The following NCOR2 variants were observed in gnomAD, a reference collection of about 807,000 sequenced individuals.
NCOR2 encodes CTG repeat protein 26.
Under a neutral mutation model 262.9 loss-of-function variants are expected in NCOR2, and 81 were observed. The ratio of observed to expected loss-of-function variants is 0.31; its 90% confidence interval spans 0.26 to 0.37. The LOEUF (loss-of-function observed/expected upper bound fraction) is 0.37. Among genes scored for constraint, NCOR2 ranks in the 10% least tolerant of loss-of-function variants. The probability of loss-of-function intolerance (pLI) is 1.00; values close to 1 mark genes in which losing one functional copy is unlikely to be tolerated. For missense variants in NCOR2, 3,385 were observed against 3,621.4 expected (o/e 0.93, Z 1.68); for synonymous variants, 1,659 against 1,559.3 (o/e 1.06, Z -1.51).
intron 13 of NCOR2, among the ~76,000 whole-genome samples, chr12:124,412,902 G>A (rs7976774): frequency 0.42 from 63,275 of 152,088 alleles, 15,969 homozygotes; most frequent in Non-Finnish European, 0.55. Flanking sequence ...CCCTCACAAA[G>A]CAGACCTTGG....
At chr12:124,338,272 C>A (rs2036060819) in intron 37 of NCOR2, among the ~76,000 whole-genome samples, 1 of 152,166 alleles carries the variant, frequency 6.6e-6, no homozygotes, top group Non-Finnish European at 1.5e-5. Context: ...CTTTGGGAGG[C>A]TGAGGCAGGC....
upstream of NCOR2, chr12:124,539,600 A>G (rs1304350663): frequency 2.0e-5 from 3 of 152,390 alleles, no homozygotes; most frequent in Non-Finnish European, 4.4e-5. The surrounding 1 kb of genome is among the most constrained non-coding windows in gnomAD (Gnocchi z 5.1). Flanking sequence ...GTCTCCCGGC[A>G]AAGCAGATGC....
rs551070258 is a variant in NCOR2 at position 124,443,171 on chromosome 12, G to A, written c.816-5175C>T. On this transcript the variant is annotated intron_variant, in intron 7 of 46. Coordinates refer to ENST00000405201, the Ensembl canonical transcript of NCOR2. The surrounding 1 kb of genome is among the most constrained non-coding windows in gnomAD (Gnocchi z 4.4). ...GGCAGCGCTGAGAAGCTAGTCCGGC[G>A]TGTGATCTTCCACAAACCGCGGTGC... Among the ~76,000 whole-genome samples, 3 of 152,356 alleles carry A rather than the reference G, an allele frequency of 2.0e-5. No individual in the cohort carries two copies. The highest frequency in any genetic ancestry group is 4.8e-5 in the African/African-American group (2 of 41,582).
rs377600491 is a variant in NCOR2 at position 124,378,370 on chromosome 12, G to A, written c.2034C>T (p.Asn678=). Reference sequence around the variant, plus strand: ...GCGCTTTCTTCTTCTTCCTCCGCGCGTTCCTCTCCTTCTCCTGGGGCACAG... The same window carrying A: ...GCGCTTTCTTCTTCTTCCTCCGCGCATTCCTCTCCTTCTCCTGGGGCACAG... The change falls in exon 18 of 47, where the codon AAC becomes AAT. Residue 678 remains asparagine (N), a synonymous_variant. Coordinates refer to ENST00000405201, the Ensembl canonical transcript of NCOR2. This position sits in a 1 kb window ranked among gnomAD's most constrained non-coding sequence, Gnocchi z 4.2. 147 of 1,612,634 alleles carry A rather than the reference G, an allele frequency of 9.1e-5. 2 individuals carry two copies. The South Asian group carries it at 1.2e-3, about 13-fold the overall frequency.
chr12:124,529,304 T>TA (rs1175749746), intron 1 of NCOR2, among the ~76,000 whole-genome samples: 478 of 130,250 alleles, frequency 3.7e-3, no homozygotes, highest in Non-Finnish European at 3.8e-3. Flanking sequence ...CCGTCTCTAC[T>TA]AAAAAAAAAA....
rs978893465 is a variant in NCOR2, at chr12:124,341,767, C to T, written c.5188+56G>A. The T allele has an allele frequency of 4.5e-6, 7 of 1,554,864 alleles. No individual in the cohort carries two copies. The Admixed American group carries it at 1.2e-4, about 27-fold the overall frequency. ...CTCCGCGAGGCCACAGGGGCACGCC[C>T]ATGTCCTTTGGGAATAAGGCCAAAC... On this transcript the variant is annotated intron_variant, in intron 34 of 46. Coordinates refer to ENST00000405201, the Ensembl canonical transcript of NCOR2.
At position 124,372,363 on chromosome 12, in the gene NCOR2, G is replaced by A. The variant is rs536931648; in HGVS notation, c.2466C>T (p.Val822=). 49 of 1,512,402 alleles carry A rather than the reference G, an allele frequency of 3.2e-5. No individual in the cohort carries two copies. In the South Asian group the frequency reaches 4.1e-4, roughly 13 times the overall value. 93.7% of individuals were successfully genotyped at this position (1,512,402 alleles called of 1,614,324 possible). ...TCTCCTCCTCCTTCTCCTCCTTGGG[G>A]ACCACAGGAGGAGGTGCAGAGGGCG... Residue 822 remains valine, a synonymous_variant, in exon 20 of 47, where the codon GTC becomes GTT. Coordinates refer to ENST00000405201, the Ensembl canonical transcript of NCOR2.
intron 17 of NCOR2, 86 bp downstream of exon 19, chr12:124,385,659 C>T: frequency 6.4e-7 from 1 of 1,552,972 alleles, no homozygotes; most frequent in Non-Finnish European, 8.7e-7. Context: ...GCCCATGCCT[C>T]CTGGGGTGCA....
chr12:124,426,474 C>T (rs2043556831), intron 11 of NCOR2, 148 bp downstream of exon 13: 7 of 737,120 alleles, frequency 9.5e-6, no homozygotes, highest in Admixed American at 7.8e-5. Flanking sequence ...TTTGGACTTC[C>T]GGCCTCCACA....
At chr12:124,516,966 CTG>C (rs1412896258) in intron 1 of NCOR2, among the ~76,000 whole-genome samples, 1 of 152,132 alleles carries the variant, frequency 6.6e-6, no homozygotes, top group African/African-American at 2.4e-5. Context: ...GATGGGAAAA[CTG>C]AGGCTCAGAG....
At chr12:124,490,407 CAGATGGATGGATGGATGGAT>C (rs1565991870) in intron 1 of NCOR2, among the ~76,000 whole-genome samples, 3 of 130,082 alleles carry the variant, frequency 2.3e-5, no homozygotes, top group East Asian at 4.3e-4. Flanking sequence ...AAGTATTTGC[CAGATGGATGGATGGATGGAT>C]GGATGGATGG....
chr12:124,410,388 C>G (rs1426826829), intron 13 of NCOR2, among the ~76,000 whole-genome samples: 1 of 151,848 alleles, frequency 6.6e-6, no homozygotes, highest in African/African-American at 2.4e-5. Context: ...AGCAACATCC[C>G]TGACTGCAGG....
In NCOR2 at chr12:124,548,079, G is replaced by A. The variant is rs571457174; in HGVS notation, c.-164-12468C>T. Among the ~76,000 whole-genome samples the A allele has an allele frequency of 1.3e-5, 2 of 151,774 alleles. No homozygotes were observed. Among genetic ancestry groups the A allele is most frequent in the East Asian group, 2.0e-4 (1 of 5,100 alleles). Reference sequence around the variant, plus strand: ...CAGCTGGTGGGAGAGAGGGGCCTGGGGTGCCCCAGGCCGGGCAGGTCCCCT... The same window carrying A: ...CAGCTGGTGGGAGAGAGGGGCCTGGAGTGCCCCAGGCCGGGCAGGTCCCCT... On this transcript the variant is annotated intron_variant, in intron 1 of 32. Transcript: ENST00000458234. The surrounding 1 kb of genome is among the most constrained non-coding windows in gnomAD (Gnocchi z 5.1).
chr12:124,380,411 C>A (rs928987389), intron 17 of NCOR2, among the ~76,000 whole-genome samples: 2 of 152,228 alleles, frequency 1.3e-5, no homozygotes, highest in African/African-American at 4.8e-5. Context: ...CAACAGTCGG[C>A]CAGAGGGCCA....
intron 1 of NCOR2, among the ~76,000 whole-genome samples, chr12:124,534,456 G>GAAA (rs11405381): frequency 6.9e-6 from 1 of 145,166 alleles, no homozygotes. Context: ...ACTCTGTCTC[G>GAAA]AAAAAAAAAA....
Position 124,389,803 on chromosome 12 carries a change from G to A in NCOR2, c.1877-3916C>T, listed in dbSNP as rs1955665041. ...CCCAAAGAGCCCTCTGCTGCTGGGG[G>A]GGTCTCGGGACCACAGCTGCCCCTT... On this transcript the variant is annotated intron_variant, in intron 16 of 46. Transcript: ENST00000405201. This position sits in a 1 kb window ranked among gnomAD's most constrained non-coding sequence, Gnocchi z 4.4. Among the ~76,000 whole-genome samples the A allele has an allele frequency of 6.6e-6, 1 of 152,176 alleles. No individual in the cohort carries two copies. The highest frequency in any genetic ancestry group is 2.1e-4 in the South Asian group (1 of 4,834).
Position 124,523,453 on chromosome 12 carries a change from C to T in NCOR2, c.-118+12112G>A, listed in dbSNP as rs1302066225. On this transcript the variant is annotated intron_variant, in intron 1 of 46. Transcript: ENST00000404621. The surrounding 1 kb of genome is among the most constrained non-coding windows in gnomAD (Gnocchi z 4.0). ...CCAGCTGGATCCCAGGGACCTAACC[C>T]GGGAAGGACACATCACGCCGGCCAG... is the stretch of plus-strand genomic sequence containing the variant. Among the ~76,000 whole-genome samples the T allele has an allele frequency of 6.6e-6, 1 of 152,106 alleles. No homozygotes were observed. The highest frequency in any genetic ancestry group is 2.1e-4 in the South Asian group (1 of 4,822).
Position 124,335,647 on chromosome 12 carries a change from G to GTTA in NCOR2, c.6116-16_6116-15insTAA. 2 of 1,590,044 alleles carry GTTA rather than the reference G, an allele frequency of 1.3e-6. No individual in the cohort carries two copies. Among genetic ancestry groups the GTTA allele is most frequent in the Non-Finnish European group, 1.7e-6 (2 of 1,171,746 alleles). On this transcript the variant is annotated splice_polypyrimidine_tract_variant and intron_variant, in intron 38 of 46. Transcript: ENST00000405201. Reference sequence around the variant, plus strand: ...GCCGTGGTAACCTAGGGCAGGCGGGGGGTGCAGAGTCAGGCACCGGGCCCA... The same window carrying GTTA: ...GCCGTGGTAACCTAGGGCAGGCGGGGTTAGGTGCAGAGTCAGGCACCGGGCCCA...
At chr12:124,342,902 G>T (rs2036579167) in intron 33 of NCOR2, 103 bp downstream of exon 35, 3 of 1,289,954 alleles carry the variant, frequency 2.3e-6, no homozygotes, top group Non-Finnish European at 3.2e-6. Flanking sequence ...CCATCCAGGG[G>T]AACCTGACAG....
Sources: gnomAD v4.1 joint callset for allele counts (sites outside exome capture counted in the v4.1 genomes callset) on GRCh38, gnomAD v4.1.1 for gene constraint, Gnocchi (gnomAD v3.1) non-coding constraint, MANE v1.5 for transcripts, NCBI Gene and HGNC (gene_info 2026-07-23, HGNC 2026-07-21) for gene names.